SLCO6A1: variants seen among roughly 807,000 people sequenced by gnomAD.
SLCO6A1 encodes the protein solute carrier organic anion transporter family member 6A1, also known as cancer/testis antigen 48.
Under a neutral mutation model 72.7 loss-of-function variants are expected in SLCO6A1, and 65 were observed. The ratio of observed to expected loss-of-function variants is 0.89; its 90% CI spans 0.73 to 1.10. The LOEUF (loss-of-function observed/expected upper bound fraction) is 1.10, where lower values mean the gene tolerates loss of function less well. Ranked by LOEUF, SLCO6A1 falls within the 50% of genes least tolerant of loss-of-function variation. The pLI, the probability that SLCO6A1 is intolerant of heterozygous loss-of-function variation, is 0.00. For missense variants in SLCO6A1, 874 were observed against 872.6 expected (o/e 1.00, Z -0.02); for synonymous variants, 314 against 298.2 (o/e 1.05, Z -0.55).
At chr5:102,414,401 A>C (rs1466052987) in intron 8 of SLCO6A1, among the ~76,000 whole-genome samples, 1 of 152,210 alleles carries the variant, frequency 6.6e-6, no homozygotes, top group Admixed American at 6.5e-5. Context: ...GGAAAGAGAA[A>C]GAGAATAAAA....
intron 4 of SLCO6A1, among the ~76,000 whole-genome samples, chr5:102,472,845 G>A (rs1459232225): frequency 6.6e-6 from 1 of 152,000 alleles, no homozygotes; most frequent in Non-Finnish European, 1.5e-5. Context: ...AAACTACTAT[G>A]AATAATTATA....
At chr5:102,486,699 A>G (rs976358736) in intron 1 of SLCO6A1, among the ~76,000 whole-genome samples, 6 of 152,114 alleles carry the variant, frequency 3.9e-5, no homozygotes, top group Non-Finnish European at 7.4e-5. Context: ...TACAATTAGG[A>G]ATTGTTTGTG....
In SLCO6A1 at chr5:102,440,008, G is replaced by A. The variant is rs945325239; in HGVS notation, c.1132-1247C>T. Among the ~76,000 whole-genome samples the A allele has an allele frequency of 1.2e-4, 19 of 152,228 alleles. No individual in the cohort carries two copies. The East Asian group carries it at 3.3e-3, about 26-fold the overall frequency. ...CAAATAATGCTACATGACTTCTGAG[G>A]TTGGGTCGTAAAATGAAAATATGAC... is the stretch of plus-strand genomic sequence containing the variant. On this transcript the variant is annotated intron_variant, in intron 6 of 13. Coordinates refer to ENST00000506729, the MANE Select transcript of SLCO6A1 (RefSeq NM_173488.5).
chr5:102,480,277 T>C lies in SLCO6A1; in HGVS notation c.516A>G (p.Ile172Met), dbSNP rs1013616703. ...TTAAAAAGGAGGAAGCTACAAACCA[T>C]ATTACTTTTTTTCTGTCTCCATAGA... ...IAFYGDRKKVIWFVASSFLIG... is the reference protein window; with the variant it reads ...IAFYGDRKKVMWFVASSFLIG... Residue 172 changes from isoleucine to methionine, a missense_variant, in exon 2 of 14, where the codon ATA becomes ATG. Ile to Met is a conservative substitution (Grantham distance 10). Coordinates refer to ENST00000506729, the MANE Select transcript of SLCO6A1 (RefSeq NM_173488.5). The C allele has an allele frequency of 6.2e-7, 1 of 1,613,414 alleles. No homozygotes were observed. The highest frequency in any genetic ancestry group is 8.5e-7 in the Non-Finnish European group (1 of 1,179,646).
intron 7 of SLCO6A1, among the ~76,000 whole-genome samples, chr5:102,436,824 C>T (rs934294902): frequency 6.6e-6 from 1 of 152,154 alleles, no homozygotes; most frequent in African/African-American, 2.4e-5. Context: ...TCCTAACTTA[C>T]AGCAATCTTT....
At chr5:102,445,995 G>A (rs923753756) in intron 6 of SLCO6A1, among the ~76,000 whole-genome samples, 1 of 152,194 alleles carries the variant, frequency 6.6e-6, no homozygotes, top group East Asian at 1.9e-4. Flanking sequence ...TTGGGTAGTG[G>A]CATCCTCCAG....
rs368653036 is a variant in SLCO6A1 at position 102,373,349 on chromosome 5, C to G, written c.*3G>C. On this transcript the variant is annotated 3_prime_UTR_variant, in exon 13 of 14. Coordinates refer to ENST00000506729, the MANE Select transcript of SLCO6A1 (RefSeq NM_173488.5). ...GTGTAATTCTTACACAATGATGATC[C>G]AGTTACAAGTCAGTTTCTTCTTTTT... 1 of 1,545,826 alleles carries G rather than the reference C, an allele frequency of 6.5e-7. No homozygotes were observed. Among genetic ancestry groups the G allele is most frequent in the Non-Finnish European group, 8.7e-7 (1 of 1,151,866 alleles).
rs897637039 is a variant in SLCO6A1 at position 102,498,699 on chromosome 5, C to T, written c.146G>A (p.Arg49Gln). ...PKSSKPGKKHRYLRLLPEALI... is the reference protein window; with the variant it reads ...PKSSKPGKKHQYLRLLPEALI... ...GGCCTCTGGAAGTAGTCTCAGATACCGGTGTTTTTTCCCGGGCTTCGAGGA... is the reference window on the plus strand; with the variant it reads ...GGCCTCTGGAAGTAGTCTCAGATACTGGTGTTTTTTCCCGGGCTTCGAGGA... Residue 49 changes from arginine to glutamine, a missense_variant, in exon 1 of 14, where the codon CGG becomes CAG. Physicochemically the swap from Arg to Gln is conservative, Grantham distance 43. Transcript: ENST00000506729. 2.5e-6 allele frequency: 4 copies of T among 1,614,048 alleles called. No individual in the cohort carries two copies. Among genetic ancestry groups the T allele is most frequent in the African/African-American group, 2.7e-5 (2 of 74,922 alleles).
At chr5:102,377,683 A>T (rs1245366918) in intron 12 of SLCO6A1, among the ~76,000 whole-genome samples, 4 of 151,778 alleles carry the variant, frequency 2.6e-5, no homozygotes, top group African/African-American at 9.7e-5. Flanking sequence ...ATAGATATAG[A>T]TAGATATAGA....
intron 9 of SLCO6A1, among the ~76,000 whole-genome samples, chr5:102,408,649 C>T (rs555488031): frequency 6.6e-6 from 1 of 151,992 alleles, no homozygotes; most frequent in African/African-American, 2.4e-5. Context: ...CAGTGAAAAC[C>T]GTTTTCAAAA....
intron 9 of SLCO6A1, among the ~76,000 whole-genome samples, chr5:102,407,337 C>G (rs2112570892): frequency 6.6e-6 from 1 of 152,302 alleles, no homozygotes; most frequent in East Asian, 1.9e-4. Context: ...AGACCGGCCT[C>G]TGAGCTGTTA....
intron 6 of SLCO6A1, among the ~76,000 whole-genome samples, chr5:102,452,292 A>C (rs1472344672): frequency 6.6e-6 from 1 of 152,004 alleles, no homozygotes; most frequent in Non-Finnish European, 1.5e-5. Flanking sequence ...TTCCTTACCA[A>C]ATTCCATCCA....
At chr5:102,418,151 A>G (rs1257208007) in intron 8 of SLCO6A1, among the ~76,000 whole-genome samples, 1 of 151,914 alleles carries the variant, frequency 6.6e-6, no homozygotes, top group African/African-American at 2.4e-5. Flanking sequence ...TTCTGATAAA[A>G]ATATGCCATT....
At chr5:102,425,495 A>G (rs1330229090) in intron 7 of SLCO6A1, among the ~76,000 whole-genome samples, 1 of 152,192 alleles carries the variant, frequency 6.6e-6, no homozygotes, top group Admixed American at 6.5e-5. Context: ...GTACCAAATC[A>G]TGAGTGAATT....
In SLCO6A1 at chr5:102,438,633, C is replaced by T. The variant is rs1227493242; in HGVS notation, c.1260G>A (p.Val420=). 8.2e-6 allele frequency: 13 copies of T among 1,586,278 alleles called. No individual in the cohort carries two copies. Among genetic ancestry groups the T allele is most frequent in the Non-Finnish European group, 1.1e-5 (13 of 1,171,582 alleles). ...TAAATCTACCTGCAAGTGTAGTTGC[C>T]ACAGTGGGTGTTAATATAAACTGAT... is the stretch of plus-strand genomic sequence containing the variant. The part of the protein sequence containing the change: ...LENQFILTPT[V]ATTLAGLVLI... The change falls in exon 7 of 14, where the codon GTG becomes GTA. Residue 420 remains valine, a synonymous_variant. Coordinates refer to ENST00000506729, the MANE Select transcript of SLCO6A1 (RefSeq NM_173488.5).
chr5:102,487,311 T>C, intron 1 of SLCO6A1, among the ~76,000 whole-genome samples: 1 of 152,170 alleles, frequency 6.6e-6, no homozygotes, highest in East Asian at 1.9e-4. Flanking sequence ...ATGTAAACAA[T>C]GTACAAGTCT....
At chr5:102,442,275 C>G (rs969906805) in intron 6 of SLCO6A1, among the ~76,000 whole-genome samples, 2 of 152,038 alleles carry the variant, frequency 1.3e-5, no homozygotes, top group Non-Finnish European at 2.9e-5. Context: ...TGCTCTTAGC[C>G]TCAATTAAGC....
At chr5:102,457,866 T>G (rs1475235718) in intron 6 of SLCO6A1, among the ~76,000 whole-genome samples, 2 of 152,120 alleles carry the variant, frequency 1.3e-5, no homozygotes, top group African/African-American at 4.8e-5. Context: ...TGTCCAACAA[T>G]GATAGACTGT....
intron 4 of SLCO6A1, among the ~76,000 whole-genome samples, chr5:102,474,335 T>A (rs1027078829): frequency 6.6e-6 from 1 of 151,932 alleles, no homozygotes; most frequent in African/African-American, 2.4e-5. Flanking sequence ...CAAAGAATTG[T>A]CTTCAAAAAA....
Sources: allele counts gnomAD v4.1 joint callset (sites outside exome capture counted in the v4.1 genomes callset), GRCh38; gene constraint gnomAD v4.1.1; transcripts MANE v1.5; gene names NCBI Gene and HGNC (gene_info 2026-07-23, HGNC 2026-07-21).